URI1: variants seen among roughly 807,000 people sequenced by gnomAD.
URI1 encodes the protein unconventional prefoldin RPB5 interactor 1.
URI1 carries 39 observed loss-of-function variants against 60.2 expected under a neutral mutation model. That is an observed-to-expected ratio of 0.65 (90% CI 0.50 to 0.85). URI1 has a LOEUF of 0.85. Ranked by LOEUF, URI1 falls within the 40% of genes least tolerant of loss-of-function variation. The probability of loss-of-function intolerance (pLI) is 0.00; values close to 1 mark genes in which losing one functional copy is unlikely to be tolerated. For missense variants in URI1, 691 were observed against 665.9 expected (o/e 1.04, Z -0.42); for synonymous variants, 251 against 236.8 (o/e 1.06, Z -0.55).
At chr19:29,941,620 C>A (rs1304241622), upstream of URI1, among the ~76,000 whole-genome samples, 2 of 144,668 alleles carry the variant, frequency 1.4e-5, no homozygotes, top group African/African-American at 5.3e-5. Context: ...GACTCAGTCT[C>A]TTAAAAAAAA....
At chr19:29,993,104 ATACT>A (rs553861157) in intron 4 of URI1, among the ~76,000 whole-genome samples, 2 of 152,228 alleles carry the variant, frequency 1.3e-5, no homozygotes, top group Admixed American at 6.5e-5. Flanking sequence ...TTAAAAATGC[ATACT>A]TAGTCTTCAT....
Position 30,012,277 on chromosome 19 carries a change from T to C in URI1, c.1179-8T>C. 1 of 1,606,492 alleles carries C rather than the reference T, an allele frequency of 6.2e-7. No homozygotes were observed. Among genetic ancestry groups the C allele is most frequent in the Non-Finnish European group, 8.5e-7 (1 of 1,174,908 alleles). ...ATAGTGAATGCATATGTGTTTTGAA[T>C]ATCACAGAGCCTTTGTTGATGTTGT... On this transcript the variant is annotated splice_region_variant and splice_polypyrimidine_tract_variant and intron_variant, in intron 9 of 10. Coordinates refer to ENST00000392271, the MANE Select transcript of URI1 (RefSeq NM_003796.3).
At chr19:29,938,146 T>C (rs1404523719), upstream of URI1, 5 of 152,142 alleles carry the variant, frequency 3.3e-5, no homozygotes, top group Non-Finnish European at 1.5e-5. Context: ...TGTGAATTAT[T>C]GTGCCCAGCC....
chr19:29,961,648 GTATC>G (rs1194797052), intron 1 of URI1, among the ~76,000 whole-genome samples: 2 of 148,486 alleles, frequency 1.3e-5, no homozygotes, highest in Non-Finnish European at 3.0e-5. Context: ...TTTGGTTTAA[GTATC>G]TGCTTTTGAT....
At chr19:29,941,088 A>G (rs1218194278), upstream of URI1, among the ~76,000 whole-genome samples, 1 of 152,128 alleles carries the variant, frequency 6.6e-6, no homozygotes, top group Non-Finnish European at 1.5e-5. Flanking sequence ...GTGGATCTGG[A>G]CTTGGGAGCT....
At chr19:29,967,054 T>G (rs2055399862) in intron 1 of URI1, among the ~76,000 whole-genome samples, 1 of 152,204 alleles carries the variant, frequency 6.6e-6, no homozygotes, top group South Asian at 2.1e-4. Context: ...CCTCTTGTGG[T>G]CTGTCACCAA....
intron 4 of URI1, 115 bp downstream of exon 4, chr19:29,986,532 T>G: frequency 7.7e-7 from 1 of 1,297,228 alleles, no homozygotes; most frequent in Non-Finnish European, 1.1e-6. Context: ...GAATCCAGGC[T>G]GTTTGTGATT....
chr19:29,997,116 A>G (rs986121084), intron 4 of URI1, among the ~76,000 whole-genome samples: 2 of 151,920 alleles, frequency 1.3e-5, no homozygotes, highest in Admixed American at 1.3e-4. Context: ...CTCCCTTTTC[A>G]TTGTTTAGAA....
In URI1 at chr19:29,977,790, G is replaced by A. The variant is rs550987145; in HGVS notation, c.152+6563G>A. Among the ~76,000 whole-genome samples, 4 of 151,460 alleles carry A rather than the reference G, an allele frequency of 2.6e-5. No homozygotes were observed. In the East Asian group the frequency reaches 7.7e-4, roughly 29 times the overall value. On this transcript the variant is annotated intron_variant, in intron 2 of 10. Transcript: ENST00000392271. ...AGTGAGTTTGGAACTCGTGTGTAAT[G>A]TTTCAAAGCAAATTAAGAGGCAAAA...
chr19:30,005,622 A>G, intron 5 of URI1, 29 bp from the exon 6 acceptor site: 1 of 1,604,032 alleles, frequency 6.2e-7, no homozygotes, highest in Non-Finnish European at 8.5e-7. Flanking sequence ...TTGTGTTGTT[A>G]ATACGCTTTT....
chr19:29,959,515 A>C (rs2055294862), intron 1 of URI1, among the ~76,000 whole-genome samples: 1 of 152,198 alleles, frequency 6.6e-6, no homozygotes, highest in African/African-American at 2.4e-5. Context: ...TTGTATGGAG[A>C]TTTTAAGATA....
At chr19:29,977,762 TTAAG>T (rs1357116145) in intron 2 of URI1, among the ~76,000 whole-genome samples, 17 of 152,132 alleles carry the variant, frequency 1.1e-4, no homozygotes, top group Admixed American at 2.6e-4. Context: ...GCGCTAGTGA[TTAAG>T]TGAGTTTGGA....
At chr19:29,954,994 T>C (rs1346525303) in intron 1 of URI1, among the ~76,000 whole-genome samples, 2 of 152,084 alleles carry the variant, frequency 1.3e-5, no homozygotes, top group Non-Finnish European at 2.9e-5. Flanking sequence ...CATAGAGATA[T>C]TCCTCATCAT....
intron 2 of URI1, among the ~76,000 whole-genome samples, chr19:29,972,998 TC>T (rs2145331581): frequency 6.6e-6 from 1 of 152,294 alleles, no homozygotes; most frequent in East Asian, 1.9e-4. Context: ...CAGACTTTTC[TC>T]TTTGCTTTTA....
upstream of URI1, among the ~76,000 whole-genome samples, chr19:29,939,456 T>C (rs1293941241): frequency 3.3e-5 from 5 of 151,734 alleles, no homozygotes; most frequent in African/African-American, 4.8e-5. Context: ...GTATTTTTAG[T>C]AGAGATGGGG....
At chr19:29,979,763 T>C (rs2055569773) in intron 2 of URI1, among the ~76,000 whole-genome samples, 1 of 152,224 alleles carries the variant, frequency 6.6e-6, no homozygotes, top group Admixed American at 6.5e-5. Flanking sequence ...TCTGATGACA[T>C]AAATTCCTTG....
At chr19:29,940,054 G>A (rs1051361885), upstream of URI1, among the ~76,000 whole-genome samples, 1 of 152,174 alleles carries the variant, frequency 6.6e-6, no homozygotes, top group African/African-American at 2.4e-5. Context: ...GATGTCTTTG[G>A]CTGCTCATGA....
intron 1 of URI1, among the ~76,000 whole-genome samples, chr19:29,931,910 TTG>T (rs56181840): frequency 0.027 from 3,743 of 140,050 alleles, 72 homozygotes; most frequent in African/African-American, 0.053. Flanking sequence ...GCTCTAACAG[TTG>T]TGTGTGTGTG....
chr19:30,011,256 G>T lies in URI1; in HGVS notation c.1178+20G>T. The T allele has an allele frequency of 6.3e-7, 1 of 1,579,998 alleles. No homozygotes were observed. The highest frequency in any genetic ancestry group is 1.4e-5 in the African/African-American group (1 of 72,744). Reference sequence around the variant, plus strand: ...TTACAGGTGGGAGGCGCTCACAGCTGCAGGGCAGTCTGCTGGGCTTGCCTC... The same window carrying T: ...TTACAGGTGGGAGGCGCTCACAGCTTCAGGGCAGTCTGCTGGGCTTGCCTC... On this transcript the variant is annotated intron_variant, in intron 9 of 10. Transcript: ENST00000392271.
Sources: allele counts gnomAD v4.1 joint callset (sites outside exome capture counted in the v4.1 genomes callset), GRCh38; gene constraint gnomAD v4.1.1; transcripts MANE v1.5; gene names NCBI Gene and HGNC (gene_info 2026-07-23, HGNC 2026-07-21).